Variants in VAV1 observed in about 807,000 individuals in gnomAD.
VAV1 encodes proto-oncogene vav.
In VAV1, 33 loss-of-function variants were observed where a neutral mutation model predicts 128.1. The observed-to-expected ratio is 0.26, with a 90% CI of 0.20 to 0.34. The LOEUF is 0.34. Ranked by LOEUF, VAV1 falls within the 10% of genes least tolerant of loss-of-function variation. The pLI is 1.00. For missense variants in VAV1, 715 were observed against 1,093.7 expected (o/e 0.65, Z 4.88); for synonymous variants, 394 against 409.8 (o/e 0.96, Z 0.47).
intron 1 of VAV1, among the ~76,000 whole-genome samples, chr19:6,816,017 A>ATTTTTT (rs1157742259): frequency 1.1e-4 from 15 of 133,774 alleles, no homozygotes; most frequent in African/African-American, 3.9e-4. Context: ...GTCTCTACAA[A>ATTTTTT]TTTTTTTTTT....
At chr19:6,855,333 A>G (rs1409090363) in intron 26 of VAV1, among the ~76,000 whole-genome samples, 1 of 152,194 alleles carries the variant, frequency 6.6e-6, no homozygotes, top group Non-Finnish European at 1.5e-5. Flanking sequence ...AGGCTTTGAG[A>G]GAGGCTTTTG....
intron 25 of VAV1, among the ~76,000 whole-genome samples, 189 bp downstream of exon 25, chr19:6,853,268 A>T (rs139447179): frequency 1.1e-3 from 159 of 150,918 alleles, no homozygotes; most frequent in Admixed American, 3.5e-3. Flanking sequence ...TTAATTAATT[A>T]ATTTATTTAT....
At chr19:6,849,064 G>C (rs1204831498) in intron 23 of VAV1, among the ~76,000 whole-genome samples, 3 of 151,468 alleles carry the variant, frequency 2.0e-5, no homozygotes, top group Non-Finnish European at 2.9e-5. Flanking sequence ...CAAAGTGCAG[G>C]TGTGAGCCAC....
At position 6,850,650 on chromosome 19, in the gene VAV1, C is replaced by T. The variant is rs188727618; in HGVS notation, c.2130-20C>T. On this transcript the variant is annotated intron_variant, in intron 23 of 26. Coordinates refer to ENST00000602142, the MANE Select transcript of VAV1 (RefSeq NM_005428.4). ...GGGCCTGGTCCCCAGACTCAGGGCC[C>T]GGTGACCATCTGGTTCCAGATATAA... 58 of 1,611,100 alleles carry T rather than the reference C, an allele frequency of 3.6e-5. No homozygotes were observed. Among genetic ancestry groups the T allele is most frequent in the Middle Eastern group, 3.3e-4 (2 of 6,050 alleles).
At position 6,837,030 on chromosome 19, in the gene VAV1, A is replaced by G. The variant is rs1365619938; in HGVS notation, c.1960A>G (p.Arg654Gly). Residue 654 changes from arginine (R) to glycine (G), a missense_variant, in exon 21 of 27, where the codon AGG becomes GGG. Arg to Gly is a moderately radical substitution (Grantham distance 125). This residue lies in a region of VAV1 where 407 missense variants were observed against 580.6 expected (regional missense o/e 0.70). Coordinates refer to ENST00000602142, the MANE Select transcript of VAV1 (RefSeq NM_005428.4). The stretch of plus-strand genomic sequence containing the variant: ...TGAAATTGGCTGGTTTCCTTGTAAC[A>G]GGGTGAAGCCCTATGTCCATGTGAG... ...TNEIGWFPCN[R>G]VKPYVHGPPQ... 6 of 1,614,138 alleles carry G rather than the reference A, an allele frequency of 3.7e-6. No homozygotes were observed. The highest frequency in any genetic ancestry group is 5.1e-6 in the Non-Finnish European group (6 of 1,180,004).
intron 26 of VAV1, 51 bp downstream of exon 26, chr19:6,854,149 G>T: frequency 6.3e-7 from 1 of 1,598,186 alleles, no homozygotes; most frequent in Non-Finnish European, 8.5e-7. Context: ...TTGAGCTGGT[G>T]GTGGACGAGA....
intron 1 of VAV1, among the ~76,000 whole-genome samples, chr19:6,817,751 G>T (rs949983711): frequency 1.2e-4 from 18 of 151,936 alleles, no homozygotes; most frequent in African/African-American, 4.4e-4. Flanking sequence ...CAGTGGCACC[G>T]TCGTGGCTCA....
At chr19:6,774,243 T>C (rs2144680058) in intron 1 of VAV1, among the ~76,000 whole-genome samples, 1 of 152,150 alleles carries the variant, frequency 6.6e-6, no homozygotes, top group Non-Finnish European at 1.5e-5. Flanking sequence ...TTCTCCTGCC[T>C]CAGCCTCCCG....
chr19:6,795,769 C>T (rs572022278), intron 1 of VAV1, among the ~76,000 whole-genome samples: 66 of 152,196 alleles, frequency 4.3e-4, no homozygotes, highest in African/African-American at 1.4e-3. Context: ...CTGCAACCTC[C>T]GCCTCCTGGG....
chr19:6,842,026 G>A (rs1308495274), intron 21 of VAV1, among the ~76,000 whole-genome samples: 1 of 151,774 alleles, frequency 6.6e-6, no homozygotes, highest in African/African-American at 2.4e-5. Flanking sequence ...GGGAGTTTGA[G>A]ACCAGCCCGA....
rs17704546 is a variant in VAV1, at chr19:6,821,523, A to G, written c.322-99A>G. The G allele has an allele frequency of 1.8e-4, 253 of 1,420,470 alleles. 1 individual carries two copies. Among genetic ancestry groups the G allele is most frequent in the African/African-American group, 1.2e-3 (88 of 70,984 alleles). The allele number at this position is 1,420,470 out of a possible 1,614,324, so 88.0% of individuals were successfully genotyped here. On this transcript the variant is annotated intron_variant, in intron 2 of 26. Coordinates refer to ENST00000602142, the MANE Select transcript of VAV1 (RefSeq NM_005428.4). ...ATCCTGAATTAGGCTTCCAAGAGGC[A>G]TGGGATCTAGCGCCTCAGACAGAGC... is the stretch of plus-strand genomic sequence containing the variant.
intron 1 of VAV1, among the ~76,000 whole-genome samples, chr19:6,801,485 G>A (rs1454707299): frequency 2.0e-5 from 3 of 152,108 alleles, no homozygotes; most frequent in African/African-American, 7.2e-5. Context: ...TGAGGGCTAG[G>A]ATGAGGCGTG....
intron 22 of VAV1, among the ~76,000 whole-genome samples, chr19:6,843,474 TTTTTG>T (rs960040412): frequency 3.3e-5 from 5 of 152,112 alleles, no homozygotes; most frequent in East Asian, 1.9e-4. Flanking sequence ...TTTGTAGGAT[TTTTTG>T]TTTTGTTTGT....
chr19:6,811,929 T>C (rs1255212634), intron 1 of VAV1, among the ~76,000 whole-genome samples: 1 of 152,226 alleles, frequency 6.6e-6, no homozygotes, highest in Non-Finnish European at 1.5e-5. Flanking sequence ...CCCAGGCTAC[T>C]TTCATTTGCA....
chr19:6,857,012 A>T (rs779722438), intron 26 of VAV1, 42 bp from the exon 27 acceptor site: 1 of 1,585,772 alleles, frequency 6.3e-7, no homozygotes, highest in East Asian at 2.2e-5. Flanking sequence ...CAGTAGGAGG[A>T]TGTGCAGAGG....
At chr19:6,799,923 T>G (rs1971227817) in intron 1 of VAV1, among the ~76,000 whole-genome samples, 1 of 151,454 alleles carries the variant, frequency 6.6e-6, no homozygotes, top group African/African-American at 2.4e-5. Flanking sequence ...AGTCTTTGTA[T>G]GGACATGTGC....
intron 1 of VAV1, among the ~76,000 whole-genome samples, chr19:6,776,459 C>T (rs775027152): frequency 6.5e-4 from 78 of 119,128 alleles, no homozygotes; most frequent in African/African-American, 8.0e-4. Flanking sequence ...CACCCATCCA[C>T]CCACCCATCC....
intron 22 of VAV1, among the ~76,000 whole-genome samples, chr19:6,845,332 C>G (rs1230986579): frequency 6.6e-6 from 1 of 152,110 alleles, no homozygotes; most frequent in East Asian, 1.9e-4. Context: ...TTGCAGTGAG[C>G]CGAGATTGCG....
chr19:6,848,874 A>T (rs1416427059), intron 23 of VAV1, among the ~76,000 whole-genome samples: 1 of 151,308 alleles, frequency 6.6e-6, no homozygotes, highest in East Asian at 1.9e-4. Context: ...GCTCACTGCA[A>T]CCTCTGCCTC....
Sources: allele counts gnomAD v4.1 joint callset (sites outside exome capture counted in the v4.1 genomes callset), GRCh38; gene constraint gnomAD v4.1.1; regional missense constraint gnomAD v4.1.1; transcripts MANE v1.5; gene names NCBI Gene and HGNC (gene_info 2026-07-23, HGNC 2026-07-21).